Variants in ADCY8 observed in about 807,000 individuals in gnomAD.
ADCY8 encodes adenylate cyclase type 8.
A neutral mutation model predicts 119.7 loss-of-function variants in ADCY8; 51 were observed. The observed-to-expected ratio is 0.43, with a 90% CI of 0.34 to 0.54. The LOEUF is 0.54. Ranked by LOEUF, ADCY8 falls within the 20% of genes least tolerant of loss-of-function variation. The pLI is 0.03. For synonymous variants in ADCY8, 665 were observed against 651.0 expected (o/e 1.02, Z -0.33); for missense variants, 1,383 against 1,598.8 (o/e 0.87, Z 2.30).
intron 15 of ADCY8, among the ~76,000 whole-genome samples, chr8:130,792,480 A>G (rs1815453749): frequency 6.6e-6 from 1 of 152,204 alleles, no homozygotes; most frequent in Non-Finnish European, 1.5e-5. Flanking sequence ...TTATAGGTCT[A>G]ACAGGTGTCT....
chr8:130,948,092 C>T (rs1343691947), intron 3 of ADCY8, among the ~76,000 whole-genome samples: 1 of 152,108 alleles, frequency 6.6e-6, no homozygotes, highest in Non-Finnish European at 1.5e-5. Context: ...CTTTGAGGCC[C>T]AAGGGATGGT....
intron 2 of ADCY8, among the ~76,000 whole-genome samples, chr8:130,982,066 G>A (rs74634256): frequency 0.012 from 1,846 of 152,288 alleles, 46 homozygotes; most frequent in African/African-American, 0.042. Context: ...CACTTCTTCC[G>A]TCATGCCAGA....
intron 2 of ADCY8, among the ~76,000 whole-genome samples, chr8:130,976,726 T>C (rs1822082731): frequency 6.6e-6 from 1 of 152,188 alleles, no homozygotes; most frequent in South Asian, 2.1e-4. Flanking sequence ...AGGAGCTAAT[T>C]TGGAAGTTGA....
chr8:131,008,468 C>T (rs560522971), intron 1 of ADCY8, among the ~76,000 whole-genome samples: 3 of 152,134 alleles, frequency 2.0e-5, no homozygotes, highest in South Asian at 4.1e-4. Flanking sequence ...CTTCTGCTGC[C>T]CTGTGAAGAA....
intron 2 of ADCY8, among the ~76,000 whole-genome samples, chr8:130,962,479 G>A (rs1274173798): frequency 3.3e-5 from 5 of 152,146 alleles, no homozygotes; most frequent in African/African-American, 1.2e-4. Context: ...CATGAAAAGA[G>A]ACCCTGGATT....
intron 13 of ADCY8, among the ~76,000 whole-genome samples, chr8:130,818,960 T>G (rs1348927703): frequency 1.3e-5 from 2 of 152,234 alleles, no homozygotes; most frequent in East Asian, 3.8e-4. Context: ...TGCCTTGTTT[T>G]TGTCATCAGC....
chr8:130,886,548 T>G (rs1187400624), intron 7 of ADCY8, among the ~76,000 whole-genome samples: 3 of 152,048 alleles, frequency 2.0e-5, no homozygotes, highest in African/African-American at 7.2e-5. Context: ...TGGTCAGAAA[T>G]TTTTTTCATA....
chr8:130,843,296 A>G lies in ADCY8; in HGVS notation c.2502+4128T>C, dbSNP rs572800445. Among the ~76,000 whole-genome samples, 5 of 152,294 alleles carry G rather than the reference A, an allele frequency of 3.3e-5. No homozygotes were observed. The South Asian group carries it at 1.0e-3, about 32-fold the overall frequency. On this transcript the variant is annotated intron_variant, in intron 11 of 17. Coordinates refer to ENST00000286355, the MANE Select transcript of ADCY8 (RefSeq NM_001115.3). ...TCTCAGCTCTGTGTGAGTTCCAGGT[A>G]CTGATCCTTCCAGATGGTTCTTTTC... is the stretch of plus-strand genomic sequence containing the variant.
At chr8:131,016,044 T>C (rs978665648) in intron 1 of ADCY8, among the ~76,000 whole-genome samples, 1 of 152,240 alleles carries the variant, frequency 6.6e-6, no homozygotes, top group Non-Finnish European at 1.5e-5. Flanking sequence ...ACCCTGGGGA[T>C]GTCAGTGAGA....
At chr8:130,912,659 G>A (rs759731664) in intron 5 of ADCY8, among the ~76,000 whole-genome samples, 1 of 152,206 alleles carries the variant, frequency 6.6e-6, no homozygotes, top group Non-Finnish European at 1.5e-5. Flanking sequence ...ATTGGGTTGA[G>A]AATATGGAAA....
At chr8:130,793,466 GTACAACATATT>G (rs1222792208) in intron 15 of ADCY8, among the ~76,000 whole-genome samples, 1 of 152,048 alleles carries the variant, frequency 6.6e-6, no homozygotes, top group Non-Finnish European at 1.5e-5. Context: ...TCTGTCTATT[GTACAACATATT>G]TACTTGTTAT....
chr8:130,816,647 G>T (rs1279553543), intron 13 of ADCY8, among the ~76,000 whole-genome samples: 1 of 151,896 alleles, frequency 6.6e-6, no homozygotes, highest in Non-Finnish European at 1.5e-5. Context: ...GGATGGTCTT[G>T]ATCTCCTGAC....
At chr8:130,926,570 C>T (rs538904191) in intron 5 of ADCY8, among the ~76,000 whole-genome samples, 26 of 152,022 alleles carry the variant, frequency 1.7e-4, no homozygotes, top group Non-Finnish European at 3.2e-4. Flanking sequence ...CATGTATTAC[C>T]TCACAGTTAT....
chr8:130,901,345 A>G (rs188263031), intron 7 of ADCY8, among the ~76,000 whole-genome samples: 6 of 151,350 alleles, frequency 4.0e-5, no homozygotes, highest in Admixed American at 2.0e-4. Context: ...CTATCTGAAC[A>G]TCTGCTATCT....
At chr8:131,029,926 CA>C (rs1823945527) in intron 1 of ADCY8, among the ~76,000 whole-genome samples, 1 of 152,012 alleles carries the variant, frequency 6.6e-6, no homozygotes, top group Non-Finnish European at 1.5e-5. Context: ...TCATTCCATT[CA>C]TTTAAAATAT....
chr8:131,039,963 C>A lies in ADCY8; in HGVS notation c.371G>T (p.Gly124Val). ...GSGSASGSGG[G>V]GDLGFLHLDC... ...AAGGTGCAGGAAGCCCAGGTCGCCC[C>A]CGCCTCCGCTGCCGCTGGCACTGCC... The change falls in exon 1 of 18, where the codon GGG becomes GTG. Residue 124 changes from glycine (G) to valine (V), a missense_variant. By Grantham distance (109) the Gly-to-Val change is moderately radical (BLOSUM62 -3). Coordinates refer to ENST00000286355, the MANE Select transcript of ADCY8 (RefSeq NM_001115.3). 6.3e-7 allele frequency: 1 copy of A among 1,587,762 alleles called. No individual in the cohort carries two copies. Among genetic ancestry groups the A allele is most frequent in the South Asian group, 1.1e-5 (1 of 88,558 alleles).
At position 130,853,783 on chromosome 8, in the gene ADCY8, G is replaced by T. The variant is rs544920606; in HGVS notation, c.2211-3980C>A. Among the ~76,000 whole-genome samples the T allele has an allele frequency of 2.6e-5, 4 of 152,188 alleles. No individual in the cohort carries two copies. In the South Asian group the frequency reaches 6.2e-4, roughly 24 times the overall value. On this transcript the variant is annotated intron_variant, in intron 9 of 17. Transcript: ENST00000286355. Reference sequence around the variant, plus strand: ...TGAAAGACAGGCCATGTGGTCCAGTGGCAAGAGCAAAGTCTTATATGTTTG... The same window carrying T: ...TGAAAGACAGGCCATGTGGTCCAGTTGCAAGAGCAAAGTCTTATATGTTTG...
In ADCY8 at chr8:130,879,954, TG is replaced by T. The variant is rs1373946773; in HGVS notation, c.2109+4609del. 3.3e-5 allele frequency among the ~76,000 whole-genome samples: 5 copies of T among 152,252 alleles called. No individual in the cohort carries two copies. The East Asian group carries it at 9.7e-4, about 29-fold the overall frequency. On this transcript the variant is annotated intron_variant, in intron 8 of 17. Coordinates refer to ENST00000286355, the MANE Select transcript of ADCY8 (RefSeq NM_001115.3). ...ACCCAGTGGGGCGATGACTGAATCA[TG>T]GGGGTGGGTCTTTCCTATGCGATTC... is the stretch of plus-strand genomic sequence containing the variant.
chr8:130,823,113 T>G (rs557454762), intron 12 of ADCY8, among the ~76,000 whole-genome samples: 1 of 152,330 alleles, frequency 6.6e-6, no homozygotes, highest in South Asian at 2.1e-4. Flanking sequence ...CAGAAGACTT[T>G]AAGCCCAGAA....
Sources: gnomAD v4.1 joint callset for allele counts (sites outside exome capture counted in the v4.1 genomes callset) on GRCh38, gnomAD v4.1.1 for gene constraint, MANE v1.5 for transcripts, NCBI Gene and HGNC (gene_info 2026-07-23, HGNC 2026-07-21) for gene names.